Variants in HABP2 observed in about 807,000 individuals in gnomAD.
HABP2 encodes hyaluronan binding protein 2.
A neutral mutation model predicts 66.5 loss-of-function variants in HABP2; 65 were observed. The ratio of observed to expected loss-of-function variants is 0.98; its 90% CI spans 0.80 to 1.20. HABP2 has a LOEUF of 1.20. HABP2 is among the 50% of genes most tolerant of loss of function. HABP2 has a pLI of 0.00. For missense variants in HABP2, 786 were observed against 691.0 expected (o/e 1.14, Z -1.54); for synonymous variants, 263 against 253.9 (o/e 1.04, Z -0.34).
chr10:113,573,502 G>A (rs930443811), intron 2 of HABP2, among the ~76,000 whole-genome samples: 1 of 152,226 alleles, frequency 6.6e-6, no homozygotes, highest in African/African-American at 2.4e-5. Flanking sequence ...GAGTGCTACA[G>A]TTGAGCTAGT....
At chr10:113,574,085 G>C (rs990137789) in intron 2 of HABP2, among the ~76,000 whole-genome samples, 1 of 152,142 alleles carries the variant, frequency 6.6e-6, no homozygotes, top group Non-Finnish European at 1.5e-5. Flanking sequence ...ACACTACCTT[G>C]CCGGGTCATA....
intron 2 of HABP2, chr10:113,572,808 G>C (rs1313881370): frequency 6.0e-6 from 2 of 331,394 alleles, no homozygotes; most frequent in Non-Finnish European, 1.2e-5. Flanking sequence ...AGGGAGTCTT[G>C]ACTTGACACT....
Position 113,559,798 on chromosome 10 carries a change from C to T in HABP2, c.69+6608C>T, listed in dbSNP as rs372960242. 1.5e-4 allele frequency among the ~76,000 whole-genome samples: 23 copies of T among 152,364 alleles called. 1 individual carries two copies. In the South Asian group the frequency reaches 2.7e-3, roughly 18 times the overall value. On this transcript the variant is annotated intron_variant, in intron 1 of 12. Coordinates refer to ENST00000351270, the MANE Select transcript of HABP2 (RefSeq NM_004132.5). The stretch of plus-strand genomic sequence containing the variant: ...CCCATCTCTGCCTGCCACTGTCACA[C>T]GAAGCTGCAGCTCAGCCCTTAGCTG...
chr10:113,576,081 C>T (rs541504553), intron 4 of HABP2, 77 bp downstream of exon 4: 23 of 828,636 alleles, frequency 2.8e-5, no homozygotes, highest in Middle Eastern at 2.2e-4. Flanking sequence ...GAAAGCACTG[C>T]GCAATGCCAT....
At chr10:113,581,613 T>G (rs575156022) in intron 8 of HABP2, among the ~76,000 whole-genome samples, 19 of 152,370 alleles carry the variant, frequency 1.2e-4, no homozygotes, top group African/African-American at 4.3e-4. Flanking sequence ...TGTGTGTACA[T>G]GTCAATCTTA....
At chr10:113,585,421 T>C (rs964890091) in intron 11 of HABP2, among the ~76,000 whole-genome samples, 1 of 152,236 alleles carries the variant, frequency 6.6e-6, no homozygotes, top group Admixed American at 6.5e-5. Flanking sequence ...GCAGGTAGCC[T>C]ACTGCGCAGG....
At chr10:113,568,539 T>C (rs769698997) in intron 2 of HABP2, among the ~76,000 whole-genome samples, 4 of 152,150 alleles carry the variant, frequency 2.6e-5, no homozygotes, top group African/African-American at 4.8e-5. Flanking sequence ...TATATTGGCA[T>C]GGTGTGTGGG....
chr10:113,577,113 G>A (rs374808690), intron 4 of HABP2, 37 bp from the exon 5 acceptor site: 4 of 1,130,464 alleles, frequency 3.5e-6, no homozygotes, highest in Non-Finnish European at 4.1e-6. Flanking sequence ...AGGAAAATGT[G>A]CCCCAAATAA....
In HABP2 at chr10:113,572,126, G is replaced by A. The variant is rs546611502; in HGVS notation, c.107-2163G>A. On this transcript the variant is annotated intron_variant, in intron 2 of 12. Coordinates refer to ENST00000351270, the MANE Select transcript of HABP2 (RefSeq NM_004132.5). ...TACCTGGGGCCACTGAGCTCTGCTCGTTCTATCCATCTTGACTGAGGCCCA... is the reference window on the plus strand; with the variant it reads ...TACCTGGGGCCACTGAGCTCTGCTCATTCTATCCATCTTGACTGAGGCCCA... Among the ~76,000 whole-genome samples the A allele has an allele frequency of 9.8e-5, 15 of 152,322 alleles. No individual in the cohort carries two copies. The South Asian group carries it at 1.0e-3, about 11-fold the overall frequency.
In HABP2 at chr10:113,584,186, C is replaced by T; in HGVS notation, c.1276C>T (p.Leu426=). The T allele has an allele frequency of 6.2e-7, 1 of 1,613,688 alleles. No individual in the cohort carries two copies. Among genetic ancestry groups the T allele is most frequent in the Non-Finnish European group, 8.5e-7 (1 of 1,179,580 alleles). ...AAAGCCAGTGGATGGTCACTGTGCT[C>T]TAGAATCCAAATACGTGAAGACTGT... The part of the protein sequence containing the change: ...KLKPVDGHCA[L]ESKYVKTVCL... The change falls in exon 11 of 13, where the codon CTA becomes TTA. Residue 426 remains leucine, a synonymous_variant. Coordinates refer to ENST00000351270, the MANE Select transcript of HABP2 (RefSeq NM_004132.5).
Position 113,588,129 on chromosome 10 carries a change from C to A in HABP2, c.1519-76C>A, listed in dbSNP as rs3781375. On this transcript the variant is annotated intron_variant, in intron 12 of 12. Transcript: ENST00000351270. ...GACTCCACCCCATCCCTCCCTGACA[C>A]CCCCTGGAGAGAGGTGGGGGCATCT... The A allele has an allele frequency of 0.03, 37,757 of 1,260,214 alleles. 1,688 individuals carry two copies. The highest frequency in any genetic ancestry group is 0.14 in the African/African-American group (9,170 of 66,936). The allele number at this position is 1,260,214 out of a possible 1,614,324, so 78.1% of individuals were successfully genotyped here.
chr10:113,552,613 TC>T (rs1310320410), upstream of HABP2, among the ~76,000 whole-genome samples: 1 of 152,234 alleles, frequency 6.6e-6, no homozygotes, highest in Non-Finnish European at 1.5e-5. Flanking sequence ...CAGTTTTGCA[TC>T]CTTTAATTTA....
At chr10:113,575,441 G>A (rs1433025277) in intron 3 of HABP2, among the ~76,000 whole-genome samples, 1 of 152,168 alleles carries the variant, frequency 6.6e-6, no homozygotes, top group Non-Finnish European at 1.5e-5. Context: ...TGTTCAGAAA[G>A]CTTGCGTTTC....
At chr10:113,568,668 C>T (rs959737032) in intron 2 of HABP2, among the ~76,000 whole-genome samples, 6 of 152,156 alleles carry the variant, frequency 3.9e-5, no homozygotes, top group African/African-American at 1.4e-4. Flanking sequence ...ACACCACCAC[C>T]CACACGTGGA....
chr10:113,556,495 G>A (rs1844994172), intron 1 of HABP2, among the ~76,000 whole-genome samples: 2 of 152,092 alleles, frequency 1.3e-5, no homozygotes, highest in African/African-American at 4.8e-5. Context: ...TGGGAGGATT[G>A]CTTGAGGCCA....
At chr10:113,557,826 G>A (rs898026813) in intron 1 of HABP2, among the ~76,000 whole-genome samples, 1 of 152,226 alleles carries the variant, frequency 6.6e-6, no homozygotes, top group Non-Finnish European at 1.5e-5. Flanking sequence ...CATGCTTTAT[G>A]TTTATTATCT....
chr10:113,578,232 A>C, intron 6 of HABP2, 87 bp downstream of exon 6: 1 of 1,453,876 alleles, frequency 6.9e-7, no homozygotes, highest in East Asian at 2.3e-5. Context: ...TGTGGTTCAA[A>C]TCAAGTTTCC....
At position 113,589,219 on chromosome 10, in the gene HABP2, C is replaced by T. The variant is rs1480443914; in HGVS notation, c.*850C>T. 3 of 655,004 alleles carry T rather than the reference C, an allele frequency of 4.6e-6. No homozygotes were observed. In the African/African-American group the frequency reaches 5.5e-5, roughly 12 times the overall value. The allele number at this position is 655,004 out of a possible 1,614,324, so 40.6% of individuals were successfully genotyped here. Reference sequence around the variant, plus strand: ...CCCTTTCCTTTTCCCCTCTTCTACCCTCCCCAAGAAAAAGGGCCTTCAAGG... The same window carrying T: ...CCCTTTCCTTTTCCCCTCTTCTACCTTCCCCAAGAAAAAGGGCCTTCAAGG... On this transcript the variant is annotated 3_prime_UTR_variant, in exon 13 of 13. Coordinates refer to ENST00000351270, the MANE Select transcript of HABP2 (RefSeq NM_004132.5).
At chr10:113,555,505 T>C (rs1284633659) in intron 1 of HABP2, among the ~76,000 whole-genome samples, 1 of 152,206 alleles carries the variant, frequency 6.6e-6, no homozygotes, top group African/African-American at 2.4e-5. Context: ...CTGTGGTCAC[T>C]ATTCATTGGA....
Sources: gnomAD v4.1 joint callset for allele counts (sites outside exome capture counted in the v4.1 genomes callset) on GRCh38, gnomAD v4.1.1 for gene constraint, MANE v1.5 for transcripts, NCBI Gene and HGNC (gene_info 2026-07-23, HGNC 2026-07-21) for gene names.